ETV1: variants seen among roughly 807,000 people sequenced by gnomAD.
ETV1 encodes ETS variant transcription factor 1.
A neutral mutation model predicts 62.3 loss-of-function variants in ETV1; 27 were observed. The ratio of observed to expected loss-of-function variants is 0.43; its 90% CI spans 0.32 to 0.60. The LOEUF is 0.60. Among genes scored for constraint, ETV1 ranks in the 20% least tolerant of loss-of-function variants. ETV1 has a pLI of 0.06. For missense variants in ETV1, 605 were observed against 605.8 expected (o/e 1.00, Z 0.01); for synonymous variants, 222 against 199.6 (o/e 1.11, Z -0.94).
intron 9 of ETV1, among the ~76,000 whole-genome samples, chr7:13,913,295 G>C (rs1218878962): frequency 2.0e-5 from 3 of 152,180 alleles, no homozygotes; most frequent in African/African-American, 7.2e-5. Context: ...TGCATCCACA[G>C]ATTATAGTTT....
intron 6 of ETV1, among the ~76,000 whole-genome samples, chr7:13,960,318 G>A (rs1478860710): frequency 1.3e-5 from 2 of 151,964 alleles, no homozygotes; most frequent in African/African-American, 2.4e-5. Flanking sequence ...TGTTACTATA[G>A]CTTATAAAGT....
intron 10 of ETV1, among the ~76,000 whole-genome samples, chr7:13,909,931 A>T (rs905468130): frequency 4.6e-5 from 7 of 152,156 alleles, no homozygotes; most frequent in African/African-American, 1.7e-4. Context: ...GTTTAGAGTG[A>T]TGCCTAGTAC....
chr7:13,973,946 C>G (rs957443456), intron 6 of ETV1, among the ~76,000 whole-genome samples: 3 of 152,178 alleles, frequency 2.0e-5, no homozygotes, highest in Non-Finnish European at 4.4e-5. Context: ...AGAAGGTGAT[C>G]ATGAATGCAA....
intron 9 of ETV1, among the ~76,000 whole-genome samples, chr7:13,917,339 C>T (rs972325862): frequency 7.1e-5 from 10 of 140,014 alleles, no homozygotes; most frequent in South Asian, 2.4e-4. Flanking sequence ...TATTTTGAGA[C>T]GGAGTTTCGC....
intron 7 of ETV1, among the ~76,000 whole-genome samples, chr7:13,938,505 A>G (rs1787075551): frequency 6.6e-6 from 1 of 152,256 alleles, no homozygotes; most frequent in Non-Finnish European, 1.5e-5. Flanking sequence ...TTAAAGGCCA[A>G]TATGAAAAGT....
Position 13,935,837 on chromosome 7 carries a change from C to A in ETV1, c.425G>T (p.Ser142Ile). ...MRPSNPPTPS[S>I]TPVSPLHHAS... ...ATGATGCAGTGGGGACACTGGCGTG[C>A]TGGATGGTGTGGGGGGGTTGGAGGG... Residue 142 changes from serine (S) to isoleucine (I), a missense_variant, in exon 8 of 14, where the codon AGC becomes ATC. Ser to Ile is a moderately radical substitution (Grantham distance 142). Around this residue, in one of 3 missense-constraint regions of ETV1, gnomAD observed 426 missense variants for 377.8 expected, o/e 1.13. Coordinates refer to ENST00000430479, the MANE Select transcript of ETV1 (RefSeq NM_004956.5). 1 of 1,613,778 alleles carries A rather than the reference C, an allele frequency of 6.2e-7. No individual in the cohort carries two copies. The highest frequency in any genetic ancestry group is 8.5e-7 in the Non-Finnish European group (1 of 1,179,836).
intron 13 of ETV1, among the ~76,000 whole-genome samples, chr7:13,896,493 C>T (rs1369095853): frequency 2.6e-5 from 4 of 152,026 alleles, no homozygotes; most frequent in East Asian, 1.9e-4. Context: ...TTAAGGTACA[C>T]TGTCCCTCTT....
At chr7:13,969,364 T>C (rs1176910421) in intron 6 of ETV1, among the ~76,000 whole-genome samples, 2 of 152,206 alleles carry the variant, frequency 1.3e-5, no homozygotes, top group Admixed American at 1.3e-4. Flanking sequence ...TAGTATATTT[T>C]AAAAATAAGA....
At chr7:13,922,855 T>C (rs1192939858) in intron 9 of ETV1, among the ~76,000 whole-genome samples, 1 of 152,190 alleles carries the variant, frequency 6.6e-6, no homozygotes. Context: ...TGTGCCCCAA[T>C]TGTTCAGAAA....
intron 5 of ETV1, among the ~76,000 whole-genome samples, chr7:13,979,559 TTTAA>T (rs1781782228): frequency 6.6e-6 from 1 of 152,116 alleles, no homozygotes. Context: ...TAAATATATA[TTTAA>T]TAAATAACAG....
intron 5 of ETV1, among the ~76,000 whole-genome samples, chr7:13,983,851 G>A (rs1473564857): frequency 2.0e-5 from 3 of 151,602 alleles, no homozygotes; most frequent in African/African-American, 7.3e-5. Context: ...TTTTACAGAG[G>A]ACTTTACTGA....
At chr7:13,919,551 CTAAA>C (rs1013850260) in intron 9 of ETV1, among the ~76,000 whole-genome samples, 1 of 110,640 alleles carries the variant, frequency 9.0e-6, no homozygotes, top group Non-Finnish European at 1.8e-5. Flanking sequence ...TTAGAAACAA[CTAAA>C]TAGAAACCAT....
At chr7:13,896,698 GAGAA>G (rs1216718510) in intron 13 of ETV1, among the ~76,000 whole-genome samples, 20 of 135,934 alleles carry the variant, frequency 1.5e-4, no homozygotes, top group Admixed American at 6.2e-4. Flanking sequence ...AAAAGAGAGA[GAGAA>G]AGAAAGAAAG....
At chr7:13,915,530 T>C (rs7795862) in intron 9 of ETV1, among the ~76,000 whole-genome samples, 27,030 of 152,144 alleles carry the variant, frequency 0.18, 2,569 homozygotes, top group South Asian at 0.31. Context: ...TTTTGTTTGC[T>C]TACTTCTTCT....
chr7:13,927,938 G>A (rs1216987633), intron 9 of ETV1, among the ~76,000 whole-genome samples: 5 of 152,120 alleles, frequency 3.3e-5, no homozygotes, highest in Non-Finnish European at 7.4e-5. Context: ...TAATTTAAAA[G>A]GGAGAATGCA....
At chr7:13,924,569 G>T (rs1218807066) in intron 9 of ETV1, among the ~76,000 whole-genome samples, 3 of 152,140 alleles carry the variant, frequency 2.0e-5, no homozygotes, top group Non-Finnish European at 4.4e-5. Flanking sequence ...ATTAGTGAAA[G>T]CACACCTCGT....
chr7:13,945,708 G>C (rs559925569), intron 6 of ETV1, among the ~76,000 whole-genome samples: 2 of 152,188 alleles, frequency 1.3e-5, no homozygotes, highest in Non-Finnish European at 2.9e-5. Flanking sequence ...AGAGGGCTGA[G>C]TTGAAAACGT....
chr7:13,976,572 T>C (rs1781474803), intron 6 of ETV1, among the ~76,000 whole-genome samples: 1 of 152,100 alleles, frequency 6.6e-6, no homozygotes, highest in Admixed American at 6.5e-5. Flanking sequence ...ATAAAACAAA[T>C]TTAGATGTCA....
chr7:13,989,151 C>A lies in ETV1; in HGVS notation c.-87-12G>T. ...GGACTTCTATCAACCTAGAGGGGAA[C>A]AAGATGGCTTTTAGGCTTAAAAAAA... is the stretch of plus-strand genomic sequence containing the variant. On this transcript the variant is annotated splice_polypyrimidine_tract_variant and intron_variant, in intron 2 of 13. Coordinates refer to ENST00000430479, the MANE Select transcript of ETV1 (RefSeq NM_004956.5). 1 of 1,023,824 alleles carries A rather than the reference C, an allele frequency of 9.8e-7. No individual in the cohort carries two copies. Among genetic ancestry groups the A allele is most frequent in the Non-Finnish European group, 1.4e-6 (1 of 697,284 alleles). The allele number at this position is 1,023,824 out of a possible 1,614,324, so 63.4% of individuals were successfully genotyped here. A position where few individuals can be genotyped will look rare whatever the true frequency, so the allele number is the denominator to read the frequency against.
Sources: allele counts gnomAD v4.1 joint callset (sites outside exome capture counted in the v4.1 genomes callset), GRCh38; gene constraint gnomAD v4.1.1; regional missense constraint gnomAD v4.1.1; transcripts MANE v1.5; gene names NCBI Gene and HGNC (gene_info 2026-07-23, HGNC 2026-07-21).